Variants in LPP observed in about 807,000 individuals in gnomAD.
The protein encoded by LPP is LIM domain containing preferred translocation partner in lipoma.
Under a neutral mutation model 60.4 loss-of-function variants are expected in LPP, and 38 were observed. The ratio of observed to expected loss-of-function variants is 0.63; its 90% CI spans 0.49 to 0.83. The LOEUF (loss-of-function observed/expected upper bound fraction) is 0.83. Among genes scored for constraint, LPP ranks in the 40% least tolerant of loss-of-function variants. The pLI is 0.00. For synonymous variants in LPP, 328 were observed against 290.8 expected (o/e 1.13, Z -1.30); for missense variants, 902 against 783.6 (o/e 1.15, Z -1.80).
intron 7 of LPP, among the ~76,000 whole-genome samples, chr3:188,616,277 G>A (rs1227950271): frequency 6.6e-6 from 1 of 152,148 alleles, no homozygotes; most frequent in Non-Finnish European, 1.5e-5. Context: ...GTGTAAGGAA[G>A]TAGTCCAGTT....
At chr3:188,803,045 CT>C (rs374563246) in intron 9 of LPP, among the ~76,000 whole-genome samples, 7,465 of 130,294 alleles carry the variant, frequency 0.057, 151 homozygotes, top group Non-Finnish European at 0.073. Flanking sequence ...GTTGTATATG[CT>C]TTTTTTTTTT....
At chr3:188,269,348 AT>A (rs1003947155) in intron 2 of LPP, among the ~76,000 whole-genome samples, 11 of 152,344 alleles carry the variant, frequency 7.2e-5, no homozygotes, top group African/African-American at 2.2e-4. Flanking sequence ...CAAAATAAAT[AT>A]CTTTTCCTGC....
intron 6 of LPP, among the ~76,000 whole-genome samples, chr3:188,531,582 T>A (rs1822188440): frequency 6.6e-6 from 1 of 152,268 alleles, no homozygotes; most frequent in Non-Finnish European, 1.5e-5. Flanking sequence ...ATGTTTTGAA[T>A]GTTTTGAAGT....
chr3:188,400,006 G>A (rs1291208711), intron 3 of LPP, among the ~76,000 whole-genome samples: 3 of 152,088 alleles, frequency 2.0e-5, no homozygotes, highest in Non-Finnish European at 2.9e-5. Flanking sequence ...TACGTGGGGC[G>A]GGTCCTGGTC....
chr3:188,343,045 A>G (rs1445309443), intron 3 of LPP, among the ~76,000 whole-genome samples: 1 of 152,148 alleles, frequency 6.6e-6, no homozygotes, highest in Non-Finnish European at 1.5e-5. Context: ...GTTCTTGGAT[A>G]CATGTGCAGA....
rs1224899760 is a variant in LPP at position 188,180,648 on chromosome 3, A to G, written c.-190+26396A>G. On this transcript the variant is annotated intron_variant, in intron 1 of 11. Transcript: ENST00000617246. ...CATAAATCACTATTTAGACACAAGC[A>G]TTGTTTACGTTTCTAATATTCTTTC... 1.9e-5 allele frequency: 3 copies of G among 154,154 alleles called. No individual in the cohort carries two copies. In the East Asian group the frequency reaches 5.8e-4, roughly 30 times the overall value. 9.5% of individuals were successfully genotyped at this position (154,154 alleles called of 1,614,324 possible).
At chr3:188,637,316 G>A (rs977733358) in intron 7 of LPP, among the ~76,000 whole-genome samples, 2 of 152,126 alleles carry the variant, frequency 1.3e-5, no homozygotes, top group Non-Finnish European at 2.9e-5. Flanking sequence ...TGAAACCAAT[G>A]AGAACAAAGG....
chr3:188,240,215 T>A (rs538401276), intron 2 of LPP: 1 of 178,402 alleles, frequency 5.6e-6, no homozygotes, highest in African/African-American at 2.4e-5. Flanking sequence ...TTTCATAAAC[T>A]AATTTAAAAA....
At chr3:188,230,953 C>T (rs918356114) in intron 2 of LPP, among the ~76,000 whole-genome samples, 7 of 152,064 alleles carry the variant, frequency 4.6e-5, no homozygotes, top group Admixed American at 1.3e-4. Flanking sequence ...CCAAGCACAT[C>T]GCATGATGGT....
intron 6 of LPP, among the ~76,000 whole-genome samples, chr3:188,528,338 C>T (rs1292385620): frequency 6.6e-6 from 1 of 152,024 alleles, no homozygotes; most frequent in Non-Finnish European, 1.5e-5. Flanking sequence ...CTCCCCGCCC[C>T]CCAGCTTTTT....
In LPP at chr3:188,217,114, C is replaced by T. The variant is rs182968169; in HGVS notation, c.-189-8291C>T. The stretch of plus-strand genomic sequence containing the variant: ...GGAGGCAGATAAAGGAACACTTAAA[C>T]AAGAGGGACTGATAAGTAACCCAAG... On this transcript the variant is annotated intron_variant, in intron 1 of 11. Transcript: ENST00000617246. The surrounding 1 kb of genome is among the most constrained non-coding windows in gnomAD (Gnocchi z 4.0). Among the ~76,000 whole-genome samples the T allele has an allele frequency of 6.6e-6, 1 of 152,288 alleles. No homozygotes were observed. Among genetic ancestry groups the T allele is most frequent in the Non-Finnish European group, 1.5e-5 (1 of 68,024 alleles).
At chr3:188,178,298 C>A (rs1168263770) in intron 1 of LPP, among the ~76,000 whole-genome samples, 2 of 152,242 alleles carry the variant, frequency 1.3e-5, no homozygotes, top group African/African-American at 4.8e-5. Context: ...TGCTTCTCCT[C>A]TTTTCTGTCT....
intron 7 of LPP, among the ~76,000 whole-genome samples, chr3:188,618,300 A>G (rs1380309159): frequency 6.6e-6 from 1 of 152,238 alleles, no homozygotes; most frequent in African/African-American, 2.4e-5. Flanking sequence ...GGTTTATTTC[A>G]GAAGGTTGCT....
chr3:188,429,272 A>G (rs1347206800), intron 4 of LPP, among the ~76,000 whole-genome samples: 1 of 152,184 alleles, frequency 6.6e-6, no homozygotes, highest in African/African-American at 2.4e-5. Context: ...AATACTTTAG[A>G]AATGATAGTG....
chr3:188,250,073 G>C (rs1290399830), intron 2 of LPP, among the ~76,000 whole-genome samples: 1 of 152,062 alleles, frequency 6.6e-6, no homozygotes, highest in Non-Finnish European at 1.5e-5. Flanking sequence ...TCAGTCTACT[G>C]TCTGTACTTC....
At chr3:188,718,928 G>C (rs1473453764) in intron 8 of LPP, among the ~76,000 whole-genome samples, 1 of 152,034 alleles carries the variant, frequency 6.6e-6, no homozygotes, top group Non-Finnish European at 1.5e-5. Context: ...GAGATTTTTA[G>C]GGTCCCAAAT....
chr3:188,290,717 G>A (rs1001609346), intron 2 of LPP, among the ~76,000 whole-genome samples: 15 of 152,180 alleles, frequency 9.9e-5, no homozygotes, highest in African/African-American at 3.1e-4. Flanking sequence ...TTATCTGAAC[G>A]AGTAAACTTC....
intron 2 of LPP, among the ~76,000 whole-genome samples, chr3:188,271,955 A>G (rs910640502): frequency 6.6e-6 from 1 of 152,186 alleles, no homozygotes; most frequent in African/African-American, 2.4e-5. Flanking sequence ...CAGGGGCAAC[A>G]CTAAAGAAAC....
chr3:188,374,871 G>A (rs1269862505), intron 3 of LPP, among the ~76,000 whole-genome samples: 6 of 151,946 alleles, frequency 3.9e-5, no homozygotes, highest in South Asian at 2.1e-4. Flanking sequence ...ATTATTTTGA[G>A]ATACGTCCCA....
Sources: allele counts gnomAD v4.1 joint callset (sites outside exome capture counted in the v4.1 genomes callset), GRCh38; gene constraint gnomAD v4.1.1; non-coding constraint Gnocchi (gnomAD v3.1); transcripts MANE v1.5; gene names NCBI Gene and HGNC (gene_info 2026-07-23, HGNC 2026-07-21).